Variants in KCNIP4 observed in about 807,000 individuals in gnomAD.
KCNIP4 encodes potassium voltage-gated channel interacting protein 4.
A neutral mutation model predicts 34.0 loss-of-function variants in KCNIP4; 12 were observed. The ratio of observed to expected loss-of-function variants is 0.35; its 90% CI spans 0.23 to 0.57. The LOEUF (loss-of-function observed/expected upper bound fraction) is 0.57. Ranked by LOEUF, KCNIP4 falls within the 20% of genes least tolerant of loss-of-function variation. The pLI, the probability that KCNIP4 is intolerant of heterozygous loss-of-function variation, is 0.83. For missense variants in KCNIP4, 238 were observed against 311.7 expected (o/e 0.76, Z 1.78); for synonymous variants, 124 against 102.2 (o/e 1.21, Z -1.29).
chr4:21,122,642 C>T (rs1434318408), intron 1 of KCNIP4, among the ~76,000 whole-genome samples: 2 of 152,002 alleles, frequency 1.3e-5, no homozygotes, highest in African/African-American at 4.8e-5. Context: ...AGGTCCTACC[C>T]CTGCATCCAA....
intron 1 of KCNIP4, among the ~76,000 whole-genome samples, chr4:21,673,379 A>G (rs1487785583): frequency 6.6e-6 from 1 of 152,198 alleles, no homozygotes; most frequent in Admixed American, 6.5e-5. Flanking sequence ...CTATTTTGAC[A>G]CTAAGTAGCT....
intron 1 of KCNIP4, among the ~76,000 whole-genome samples, chr4:21,255,341 C>G (rs886941210): frequency 6.6e-6 from 1 of 152,284 alleles, no homozygotes; most frequent in Non-Finnish European, 1.5e-5. Context: ...CTTCTTCTTT[C>G]TTAAATATTA....
In KCNIP4 at chr4:20,777,737, A is replaced by G. The variant is rs533475411; in HGVS notation, c.289-18847T>C. On this transcript the variant is annotated intron_variant, in intron 3 of 8. Transcript: ENST00000382152. ...TGGAGGTTGTAGATTGCAGAGATGA[A>G]TTAGTGTAGTTTATGAAACCATGAA... Among the ~76,000 whole-genome samples, 16 of 152,284 alleles carry G rather than the reference A, an allele frequency of 1.1e-4. No individual in the cohort carries two copies. In the South Asian group the frequency reaches 2.5e-3, roughly 24 times the overall value.
chr4:21,281,310 A>G (rs1762762085), intron 1 of KCNIP4, among the ~76,000 whole-genome samples: 1 of 151,472 alleles, frequency 6.6e-6, no homozygotes, highest in African/African-American at 2.4e-5. Context: ...TTGGCCTTGA[A>G]CTCCTGACCT....
intron 1 of KCNIP4, among the ~76,000 whole-genome samples, chr4:21,678,706 A>T (rs1039374072): frequency 2.0e-5 from 3 of 152,048 alleles, no homozygotes; most frequent in Non-Finnish European, 4.4e-5. Flanking sequence ...AGATATTTCT[A>T]TGTTTCTCTT....
In KCNIP4 at chr4:21,369,123, C is replaced by T. The variant is rs146551614; in HGVS notation, c.62-486414G>A. Among the ~76,000 whole-genome samples the T allele has an allele frequency of 1.2e-3, 170 of 147,046 alleles. 7 individuals carry two copies. Among genetic ancestry groups the T allele is most frequent in the Middle Eastern group, 6.8e-3 (2 of 294 alleles). On this transcript the variant is annotated intron_variant, in intron 1 of 8. Coordinates refer to ENST00000382152, the MANE Select transcript of KCNIP4 (RefSeq NM_025221.6). ...GAATGGTCTTGAGAAATTAAGGTAA[C>T]CTGATTGAGTCTCCTAAAATGGAAA...
intron 1 of KCNIP4, among the ~76,000 whole-genome samples, chr4:21,761,141 G>A (rs1718020951): frequency 6.6e-6 from 1 of 152,016 alleles, no homozygotes; most frequent in African/African-American, 2.4e-5. Context: ...TCACTCTGTT[G>A]CCCAGGCTGG....
At chr4:20,800,739 A>G (rs1459561589) in intron 3 of KCNIP4, among the ~76,000 whole-genome samples, 8 of 152,220 alleles carry the variant, frequency 5.3e-5, no homozygotes, top group Non-Finnish European at 8.8e-5. Context: ...CTTAGAGGAA[A>G]CAAAAGAAAA....
At position 20,739,080 on chromosome 4, in the gene KCNIP4, GC is replaced by G. The variant is rs1750423450; in HGVS notation, c.430-4346del. 2.0e-5 allele frequency among the ~76,000 whole-genome samples: 3 copies of G among 152,178 alleles called. 1 individual carries two copies. Among genetic ancestry groups the G allele is most frequent in the African/African-American group, 7.2e-5 (3 of 41,568 alleles). ...TGCTGAGACTTGACTAGGTAAAGCA[GC>G]CAGGAAGCTCAAACTAGGTGGAGCC... On this transcript the variant is annotated intron_variant, in intron 5 of 8. Coordinates refer to ENST00000382152, the MANE Select transcript of KCNIP4 (RefSeq NM_025221.6).
intron 1 of KCNIP4, among the ~76,000 whole-genome samples, chr4:21,524,627 T>C (rs567433374): frequency 6.6e-6 from 1 of 152,290 alleles, no homozygotes; most frequent in South Asian, 2.1e-4. Context: ...ATTTTAAATA[T>C]AAATTCTTCA....
At chr4:20,802,967 C>T (rs1714534885) in intron 3 of KCNIP4, among the ~76,000 whole-genome samples, 1 of 150,334 alleles carries the variant, frequency 6.7e-6, no homozygotes, top group Non-Finnish European at 1.5e-5. Context: ...CCCAGCTGCT[C>T]AGGAGGCTGA....
intron 1 of KCNIP4, among the ~76,000 whole-genome samples, chr4:21,419,484 G>C: frequency 6.6e-6 from 1 of 152,014 alleles, no homozygotes; most frequent in Non-Finnish European, 1.5e-5. Context: ...TTTCAAAGGT[G>C]TTGCTTCTCC....
At chr4:21,414,694 A>G (rs1264298567) in intron 1 of KCNIP4, among the ~76,000 whole-genome samples, 2 of 152,230 alleles carry the variant, frequency 1.3e-5, no homozygotes, top group Non-Finnish European at 1.5e-5. Context: ...GTGTCCATCA[A>G]TAGATGAATA....
At chr4:20,734,853 T>A (rs1396512290) in intron 5 of KCNIP4, 118 bp from the exon 6 acceptor site, 1 of 544,256 alleles carries the variant, frequency 1.8e-6, no homozygotes, top group Non-Finnish European at 3.2e-6. Flanking sequence ...AGCAAAATGA[T>A]TGATGTGTTA....
chr4:21,369,470 T>C (rs940263043), intron 1 of KCNIP4, among the ~76,000 whole-genome samples: 1 of 146,936 alleles, frequency 6.8e-6, no homozygotes, highest in Non-Finnish European at 1.5e-5. Context: ...GGTGGCTCAC[T>C]CCTGTAATCC....
chr4:21,176,186 G>C (rs1016044974), intron 1 of KCNIP4, among the ~76,000 whole-genome samples: 1 of 152,150 alleles, frequency 6.6e-6, no homozygotes, highest in African/African-American at 2.4e-5. Flanking sequence ...CAAGACTGCA[G>C]ACCAAATTTT....
chr4:21,651,588 A>G (rs912684787), intron 1 of KCNIP4, among the ~76,000 whole-genome samples: 4 of 152,248 alleles, frequency 2.6e-5, no homozygotes, highest in African/African-American at 4.8e-5. Flanking sequence ...GGTAAAGCCA[A>G]TTATGAAATA....
At chr4:20,978,327 G>T (rs1401417413) in intron 1 of KCNIP4, among the ~76,000 whole-genome samples, 1 of 152,172 alleles carries the variant, frequency 6.6e-6, no homozygotes, top group African/African-American at 2.4e-5. Flanking sequence ...AGTGATACTG[G>T]AAGTTACTTA....
At chr4:21,096,647 T>C (rs1034026659) in intron 1 of KCNIP4, among the ~76,000 whole-genome samples, 1 of 152,188 alleles carries the variant, frequency 6.6e-6, no homozygotes, top group Admixed American at 6.6e-5. Context: ...CTTTTAAATG[T>C]AGAAAATAAA....
Sources: allele counts gnomAD v4.1 joint callset (sites outside exome capture counted in the v4.1 genomes callset), GRCh38; gene constraint gnomAD v4.1.1; transcripts MANE v1.5; gene names NCBI Gene and HGNC (gene_info 2026-07-23, HGNC 2026-07-21).